Variants in COL8A1 observed in about 807,000 individuals in gnomAD.
COL8A1 encodes collagen alpha-1(VIII) chain.
Under a neutral mutation model 42.7 loss-of-function variants are expected in COL8A1, and 21 were observed. That is an observed-to-expected ratio of 0.49 (90% confidence interval 0.35 to 0.71). The LOEUF (loss-of-function observed/expected upper bound fraction) is 0.71, where lower values mean the gene tolerates loss of function less well. Ranked by LOEUF, COL8A1 falls within the 30% of genes least tolerant of loss-of-function variation. The pLI, the probability that COL8A1 is intolerant of heterozygous loss-of-function variation, is 0.01. For synonymous variants in COL8A1, 367 were observed against 369.1 expected (o/e 0.99, Z 0.06); for missense variants, 788 against 962.4 (o/e 0.82, Z 2.40).
intron 1 of COL8A1, among the ~76,000 whole-genome samples, chr3:99,683,909 TA>T (rs201835908): frequency 3.3e-5 from 5 of 151,312 alleles, no homozygotes; most frequent in East Asian, 1.9e-4. Context: ...AACAATAAGC[TA>T]AAAAAAAACC....
intron 1 of COL8A1, among the ~76,000 whole-genome samples, chr3:99,670,832 G>C (rs1216392124): frequency 6.6e-6 from 1 of 151,710 alleles, no homozygotes; most frequent in East Asian, 1.9e-4. Flanking sequence ...CTTTTTTAGA[G>C]TCCACATATA....
chr3:99,715,732 G>A (rs545171235), intron 1 of COL8A1, among the ~76,000 whole-genome samples: 33 of 151,944 alleles, frequency 2.2e-4, no homozygotes, highest in African/African-American at 7.5e-4. Context: ...AAAAACATGA[G>A]AGAACAAGCA....
chr3:99,792,072 G>A (rs793493), intron 3 of COL8A1, among the ~76,000 whole-genome samples: 152,330 of 152,334 alleles, frequency 1, 76,163 homozygotes, highest in Non-Finnish European at 1. Flanking sequence ...CTCTTCCCCA[G>A]ATAACTCCTC....
intron 1 of COL8A1, among the ~76,000 whole-genome samples, chr3:99,648,409 G>C (rs1937723821): frequency 6.6e-6 from 1 of 152,062 alleles, no homozygotes; most frequent in Non-Finnish European, 1.5e-5. Flanking sequence ...CCTAGACACT[G>C]CTTACTGGCT....
At chr3:99,669,151 G>GAGAGAGAGAGAGAGA (rs1559773186) in intron 1 of COL8A1, among the ~76,000 whole-genome samples, 2 of 114,046 alleles carry the variant, frequency 1.8e-5, no homozygotes, top group Non-Finnish European at 3.5e-5. Flanking sequence ...ATATATAGAG[G>GAGAGAGAGAGAGAGA]GAGAGAGAGA....
intron 1 of COL8A1, among the ~76,000 whole-genome samples, chr3:99,700,458 C>T (rs138306196): frequency 3.9e-5 from 6 of 152,202 alleles, no homozygotes; most frequent in Admixed American, 1.3e-4. Flanking sequence ...GCTCTTCTGG[C>T]CCCACTTGGT....
At chr3:99,669,270 G>A (rs1466414011) in intron 1 of COL8A1, among the ~76,000 whole-genome samples, 1 of 151,008 alleles carries the variant, frequency 6.6e-6, no homozygotes, top group Non-Finnish European at 1.5e-5. Context: ...ACAGAGAAAA[G>A]CACAGGGGCA....
At chr3:99,750,733 A>T (rs1158562073) in intron 2 of COL8A1, among the ~76,000 whole-genome samples, 3 of 152,224 alleles carry the variant, frequency 2.0e-5, no homozygotes, top group Non-Finnish European at 4.4e-5. Flanking sequence ...TAAAAATTGG[A>T]TTGAATTTTC....
At chr3:99,752,647 T>C (rs1329607998) in intron 2 of COL8A1, among the ~76,000 whole-genome samples, 1 of 151,992 alleles carries the variant, frequency 6.6e-6, no homozygotes, top group East Asian at 1.9e-4. Flanking sequence ...CTCCTATCAA[T>C]TGAGATGAGG....
chr3:99,651,910 A>G (rs1253866921), intron 1 of COL8A1, among the ~76,000 whole-genome samples: 1 of 152,244 alleles, frequency 6.6e-6, no homozygotes, highest in Non-Finnish European at 1.5e-5. Flanking sequence ...CTAAAATAAT[A>G]AAAGACTTTA....
chr3:99,643,531 C>T (rs1380363058), intron 1 of COL8A1, among the ~76,000 whole-genome samples: 1 of 152,190 alleles, frequency 6.6e-6, no homozygotes, highest in Non-Finnish European at 1.5e-5. Context: ...TATAAAACTA[C>T]TTTCTACAAA....
intron 1 of COL8A1, among the ~76,000 whole-genome samples, chr3:99,663,831 A>G (rs1938281362): frequency 6.6e-6 from 1 of 152,150 alleles, no homozygotes; most frequent in Admixed American, 6.5e-5. Context: ...CACATCTAAG[A>G]AAAATGATTA....
intron 2 of COL8A1, among the ~76,000 whole-genome samples, chr3:99,765,758 A>G (rs964670334): frequency 6.6e-6 from 1 of 152,138 alleles, no homozygotes; most frequent in African/African-American, 2.4e-5. Flanking sequence ...TTGGCACCCA[A>G]CCTAAGAATG....
intron 1 of COL8A1, among the ~76,000 whole-genome samples, chr3:99,653,349 T>G (rs926379933): frequency 6.6e-6 from 1 of 152,148 alleles, no homozygotes; most frequent in Non-Finnish European, 1.5e-5. Flanking sequence ...GTAAACTATT[T>G]ATGGGCTGAT....
chr3:99,681,230 A>G (rs1938870829), intron 1 of COL8A1, among the ~76,000 whole-genome samples: 1 of 152,240 alleles, frequency 6.6e-6, no homozygotes, highest in African/African-American at 2.4e-5. Flanking sequence ...AAATTTTTAC[A>G]ATCTATCCAT....
chr3:99,707,928 A>G (rs912234520), intron 1 of COL8A1, among the ~76,000 whole-genome samples: 5 of 152,036 alleles, frequency 3.3e-5, no homozygotes, highest in Non-Finnish European at 4.4e-5. Flanking sequence ...TATTTTTTGC[A>G]GAGGCAGGGA....
rs573703917 is a variant in COL8A1 at position 99,694,930 on chromosome 3, C to T, written c.-128-49967C>T. 2.0e-5 allele frequency among the ~76,000 whole-genome samples: 3 copies of T among 152,238 alleles called. No homozygotes were observed. In the East Asian group the frequency reaches 5.8e-4, roughly 29 times the overall value. On this transcript the variant is annotated intron_variant, in intron 1 of 3. Coordinates refer to ENST00000652472, the MANE Select transcript of COL8A1 (RefSeq NM_020351.4). ...GCAGGAGTAAAAGCTGCAGTAAACT[C>T]TTATAAAAGACAGATGTTAGGGAAT...
At chr3:99,734,314 ATTAATT>A (rs1940628690) in intron 1 of COL8A1, among the ~76,000 whole-genome samples, 1 of 139,720 alleles carries the variant, frequency 7.2e-6, no homozygotes, top group Admixed American at 6.8e-5. Context: ...TCCATCTTGA[ATTAATT>A]TTTGTATAAG....
Position 99,659,009 on chromosome 3 carries a change from A to ATTCTAGG in COL8A1, c.-129+20347_-129+20353dup, listed in dbSNP as rs769568044. 1.3e-3 allele frequency among the ~76,000 whole-genome samples: 192 copies of ATTCTAGG among 152,352 alleles called. 1 individual carries two copies. Among genetic ancestry groups the ATTCTAGG allele is most frequent in the Admixed American group, 1.8e-3 (27 of 15,302 alleles). On this transcript the variant is annotated intron_variant, in intron 1 of 3. Transcript: ENST00000652472. The stretch of plus-strand genomic sequence containing the variant: ...CCAGAAATCTGCATTTCAAGCCAGC[A>ATTCTAGG]TTCTAGGTGATTCTTACGCATCCTA...
Sources: allele counts gnomAD v4.1 joint callset (sites outside exome capture counted in the v4.1 genomes callset), GRCh38; gene constraint gnomAD v4.1.1; transcripts MANE v1.5; gene names NCBI Gene and HGNC (gene_info 2026-07-23, HGNC 2026-07-21).